The following RNF222 variants were observed in gnomAD, a reference collection of about 807,000 sequenced individuals.
RNF222 encodes the protein RING finger protein LOC643904.
Under a neutral mutation model 10.8 loss-of-function variants are expected in RNF222, and 14 were observed. The ratio of observed to expected loss-of-function variants is 1.30; its 90% CI spans 0.86 to 2.03. RNF222 has a LOEUF of 2.03. RNF222 is among the 30% of genes most tolerant of loss of function. The pLI is 0.00. For missense variants in RNF222, 298 were observed against 295.8 expected, an observed-to-expected ratio of 1.01 and a Z score of -0.06; for synonymous variants, 141 against 142.5, an observed-to-expected ratio of 0.99 and a Z score of 0.07.
chr17:8,393,411 G>GCA lies in RNF222; in HGVS notation c.49_50dup (p.Tyr18AlafsTer15), dbSNP rs1907933851. ...CCTCCAGGTCCCGGAACTTCTCATA[G>GCA]CACACGGGGCACTCACTGCCCGAGC... On this transcript the variant is annotated frameshift_variant, in exon 3 of 3. Coordinates refer to ENST00000399398, the MANE Select transcript of RNF222 (RefSeq NM_001146684.3). LOFTEE classifies it high-confidence loss of function. The GCA allele has an allele frequency of 1.3e-6, 2 of 1,551,620 alleles. No individual in the cohort carries two copies. Among genetic ancestry groups the GCA allele is most frequent in the Admixed American group, 3.9e-5 (2 of 51,002 alleles).
Position 8,393,131 on chromosome 17 carries a change from C to A in RNF222, c.331G>T (p.Ala111Ser). Residue 111 changes from alanine to serine, a missense_variant, in exon 3 of 3, where the codon GCC becomes TCC. Ala to Ser is a moderately conservative substitution (Grantham distance 99, BLOSUM62 1). Transcript: ENST00000399398. ...DSLGHTNPLA[A>S]SSPAWRPPPG... The stretch of plus-strand genomic sequence containing the variant: ...GGTGGCCTCCAGGCAGGGGAGGAGG[C>A]GGCCAGGGGGTTTGTGTGGCCCAGG... The A allele has an allele frequency of 6.5e-7, 1 of 1,535,624 alleles. No individual in the cohort carries two copies.
Position 8,392,628 on chromosome 17 carries a change from G to T in RNF222, c.*171C>A. 2.6e-6 allele frequency: 2 copies of T among 764,752 alleles called. No homozygotes were observed. Among genetic ancestry groups the T allele is most frequent in the Non-Finnish European group, 4.0e-6 (2 of 495,026 alleles). The allele number at this position is 764,752 out of a possible 1,614,324, so 47.4% of individuals were successfully genotyped here. On this transcript the variant is annotated 3_prime_UTR_variant, in exon 3 of 3. Coordinates refer to ENST00000399398, the MANE Select transcript of RNF222 (RefSeq NM_001146684.3). The surrounding 1 kb of genome is among the most constrained non-coding windows in gnomAD (Gnocchi z 4.3). ...GCATGGAGTCAGCTCCAGCCTCTCTGTCGAGCGGAAGCCCCTGCGGGGGTC... is the reference window on the plus strand; with the variant it reads ...GCATGGAGTCAGCTCCAGCCTCTCTTTCGAGCGGAAGCCCCTGCGGGGGTC...
In RNF222 at chr17:8,393,202, G is replaced by A. The variant is rs757990456; in HGVS notation, c.260C>T (p.Thr87Met). 122 of 1,550,784 alleles carry A rather than the reference G, an allele frequency of 7.9e-5. No homozygotes were observed. The highest frequency in any genetic ancestry group is 2.0e-4 in the East Asian group (8 of 40,912). ...WPSMLDKSSQ[T>M]LAVPVGLPSV... ...GGGCAGGCCCACGGGCACAGCCAGC[G>A]TCTGGGAGCTCTTGTCCAGCATGGA... The change falls in exon 3 of 3, where the codon ACG becomes ATG. Residue 87 changes from threonine (T) to methionine (M), a missense_variant. Thr to Met is a moderately conservative substitution (Grantham distance 81). Transcript: ENST00000399398.
chr17:8,391,060 C>CT lies in RNF222; in HGVS notation c.*1738dup, dbSNP rs1907805923. On this transcript the variant is annotated 3_prime_UTR_variant, in exon 3 of 3. Coordinates refer to ENST00000399398, the MANE Select transcript of RNF222 (RefSeq NM_001146684.3). ...TTTTTTTTTTAGACAGAGTCTCGCT[C>CT]TGTCACCCAGGCTGGAGTGCAGTGG... The CT allele has an allele frequency of 1.3e-5, 2 of 151,282 alleles. No homozygotes were observed. Among genetic ancestry groups the CT allele is most frequent in the African/African-American group, 4.9e-5 (2 of 41,062 alleles). The allele number at this position is 151,282 out of a possible 1,614,324, so 9.4% of individuals were successfully genotyped here. A position where few individuals can be genotyped will look rare whatever the true frequency, so the allele number is the denominator to read the frequency against.
At chr17:8,393,601 C>T in intron 2 of RNF222, 115 bp from the exon 3 acceptor site, 1 of 1,359,902 alleles carries the variant, frequency 7.4e-7, no homozygotes, top group African/African-American at 1.5e-5. Flanking sequence ...TGTCTTCTGC[C>T]TCCTCTCTCT....
chr17:8,393,375 C>T lies in RNF222; in HGVS notation c.87G>A (p.Arg29=). Reference sequence around the variant, plus strand: ...AGAACACATGGCCACAGCTCAGCGTCCGGCTGGCGCCCTCCAGGTCCCGGA... The same window carrying T: ...AGAACACATGGCCACAGCTCAGCGTTCGGCTGGCGCCCTCCAGGTCCCGGA... The part of the protein sequence containing the change: ...EKFRDLEGAS[R]TLSCGHVFCH... Residue 29 remains arginine, a synonymous_variant, in exon 3 of 3, where the codon CGG becomes CGA. Transcript: ENST00000399398. 1 of 1,551,650 alleles carries T rather than the reference C, an allele frequency of 6.4e-7. No homozygotes were observed. Among genetic ancestry groups the T allele is most frequent in the East Asian group, 2.4e-5 (1 of 40,912 alleles).
Position 8,393,078 on chromosome 17 carries a change from G to A in RNF222, c.384C>T (p.Ser128=). The change falls in exon 3 of 3, where the codon AGC becomes AGT. Residue 128 remains serine (S), a synonymous_variant. Transcript: ENST00000399398. ...GGGGGAGCTGGGCGCTCTGGCCCGG[G>A]CTGCCTGGCGGCCTGGCCTGGCCTG... is the stretch of plus-strand genomic sequence containing the variant. The part of the protein sequence containing the change: ...PPPGQARPPG[S]PGQSAQLPLD... 2.0e-6 allele frequency: 3 copies of A among 1,493,086 alleles called. No homozygotes were observed. Among genetic ancestry groups the A allele is most frequent in the African/African-American group, 1.4e-5 (1 of 71,784 alleles). 92.5% of individuals were successfully genotyped at this position (1,493,086 alleles called of 1,614,324 possible).
At chr17:8,396,625 G>A (rs1054692372) in intron 1 of RNF222, among the ~76,000 whole-genome samples, 4 of 150,872 alleles carry the variant, frequency 2.7e-5, no homozygotes, top group African/African-American at 7.3e-5. Flanking sequence ...AGTCCTTCCC[G>A]CTTCCAACGA....
rs1346552330 is a variant in RNF222, at chr17:8,392,888, G to A, written c.574C>T (p.Arg192Trp). 3 of 1,532,932 alleles carry A rather than the reference G, an allele frequency of 2.0e-6. No homozygotes were observed. Among genetic ancestry groups the A allele is most frequent in the Admixed American group, 2.0e-5 (1 of 50,872 alleles). The allele number at this position is 1,532,932 out of a possible 1,614,324, so 95.0% of individuals were successfully genotyped here. A position where few individuals can be genotyped will look rare whatever the true frequency, so the allele number is the denominator to read the frequency against. Residue 192 changes from arginine to tryptophan, a missense_variant, in exon 3 of 3, where the codon CGG becomes TGG. Physicochemically the swap from Arg to Trp is moderately radical, Grantham distance 101. Coordinates refer to ENST00000399398, the MANE Select transcript of RNF222 (RefSeq NM_001146684.3). This position sits in a 1 kb window ranked among gnomAD's most constrained non-coding sequence, Gnocchi z 4.3. ...RSARAFCCRS[R>W]ALLLITLIAV... ...ATGAGCGTGATGAGCAGCAGGGCCC[G>A]CGATCGGCAGCAGAAGGCGCGGGCG...
At position 8,393,433 on chromosome 17, in the gene RNF222, G is replaced by A. The variant is rs909022983; in HGVS notation, c.29C>T (p.Ser10Leu). The A allele has an allele frequency of 7.2e-5, 112 of 1,550,782 alleles. No individual in the cohort carries two copies. The highest frequency in any genetic ancestry group is 9.4e-5 in the Non-Finnish European group (108 of 1,146,632). The change falls in exon 3 of 3, where the codon TCG becomes TTG. Residue 10 changes from serine (S) to leucine (L), a missense_variant. Coordinates refer to ENST00000399398, the MANE Select transcript of RNF222 (RefSeq NM_001146684.3). MSEGESKDS[S>L]GSECPVCYEK... ...ATAGCACACGGGGCACTCACTGCCC[G>A]AGCTGTCCTTGCTCTCCCCTTCTGA...
chr17:8,390,898 C>A lies in RNF222; in HGVS notation c.*1901G>T, dbSNP rs933446175. The A allele has an allele frequency of 6.6e-6, 1 of 152,130 alleles. No homozygotes were observed. Among genetic ancestry groups the A allele is most frequent in the African/African-American group, 2.4e-5 (1 of 41,424 alleles). The allele number at this position is 152,130 out of a possible 1,614,324, so 9.4% of individuals were successfully genotyped here. A position where few individuals can be genotyped will look rare whatever the true frequency, so the allele number is the denominator to read the frequency against. On this transcript the variant is annotated 3_prime_UTR_variant, in exon 3 of 3. Transcript: ENST00000399398. Reference sequence around the variant, plus strand: ...AAATTCATGACACTGTTTAAAACAGCCTGGCTGAGGTTAAAAGAGACTCAT... The same window carrying A: ...AAATTCATGACACTGTTTAAAACAGACTGGCTGAGGTTAAAAGAGACTCAT...
chr17:8,393,124 G>A lies in RNF222; in HGVS notation c.338C>T (p.Ser113Phe), dbSNP rs759605916. ...LGHTNPLAASSPAWRPPPGQA... is the reference protein window; with the variant it reads ...LGHTNPLAASFPAWRPPPGQA... ...GCCTGGAGGTGGCCTCCAGGCAGGG[G>A]AGGAGGCGGCCAGGGGGTTTGTGTG... The change falls in exon 3 of 3, where the codon TCC (serine) becomes TTC (phenylalanine). Residue 113 changes from serine (S) to phenylalanine (F), a missense_variant. Ser to Phe is a radical substitution (Grantham distance 155, BLOSUM62 -2). Coordinates refer to ENST00000399398, the MANE Select transcript of RNF222 (RefSeq NM_001146684.3). 3 of 1,533,736 alleles carry A rather than the reference G, an allele frequency of 2.0e-6. No individual in the cohort carries two copies. The highest frequency in any genetic ancestry group is 3.4e-4 in the Middle Eastern group (2 of 5,830).
rs1338597536 is a variant in RNF222 at position 8,391,668 on chromosome 17, T to G, written c.*1131A>C. 1.3e-5 allele frequency: 2 copies of G among 152,158 alleles called. No homozygotes were observed. Among genetic ancestry groups the G allele is most frequent in the Non-Finnish European group, 2.9e-5 (2 of 68,040 alleles). The allele number at this position is 152,158 out of a possible 1,614,324, so 9.4% of individuals were successfully genotyped here. A position where few individuals can be genotyped will look rare whatever the true frequency, so the allele number is the denominator to read the frequency against. On this transcript the variant is annotated 3_prime_UTR_variant, in exon 3 of 3. Transcript: ENST00000399398. ...GACCTCAATAAACAGCCAATAGCTATCCCCGAATGACTCAGGCTAGACCCA... is the reference window on the plus strand; with the variant it reads ...GACCTCAATAAACAGCCAATAGCTAGCCCCGAATGACTCAGGCTAGACCCA...
Position 8,392,789 on chromosome 17 carries a change from G to A in RNF222, c.*10C>T. On this transcript the variant is annotated 3_prime_UTR_variant, in exon 3 of 3. Transcript: ENST00000399398. The surrounding 1 kb of genome is among the most constrained non-coding windows in gnomAD (Gnocchi z 4.3). ...CCACGGCTAGCCCGGCGGCCTCCCT[G>A]AGGTGCGGCTCACGCCTGCTTCCTC... 1 of 1,531,704 alleles carries A rather than the reference G, an allele frequency of 6.5e-7. No individual in the cohort carries two copies. Among genetic ancestry groups the A allele is most frequent in the East Asian group, 2.5e-5 (1 of 40,766 alleles). 94.9% of individuals were successfully genotyped at this position (1,531,704 alleles called of 1,614,324 possible).
chr17:8,394,832 T>C (rs917551166), intron 1 of RNF222, among the ~76,000 whole-genome samples: 8 of 152,228 alleles, frequency 5.3e-5, no homozygotes, highest in Non-Finnish European at 1.2e-4. Flanking sequence ...AAACATCCAC[T>C]GGGGTGTGTG....
Position 8,392,964 on chromosome 17 carries a change from C to T in RNF222, c.498G>A (p.Leu166=). 6.6e-7 allele frequency: 1 copy of T among 1,513,338 alleles called. No homozygotes were observed. Among genetic ancestry groups the T allele is most frequent in the Non-Finnish European group, 8.8e-7 (1 of 1,137,246 alleles). The allele number at this position is 1,513,338 out of a possible 1,614,324, so 93.7% of individuals were successfully genotyped here. The change falls in exon 3 of 3, where the codon CTG becomes CTA. Residue 166 remains leucine, a synonymous_variant. Transcript: ENST00000399398. The surrounding 1 kb of genome is among the most constrained non-coding windows in gnomAD (Gnocchi z 4.3). ...AGAGCTCTGCCAGGCTGCGGCGGGG[C>T]AGCACGCTGTCCTGCTCCCCCAGGG... ...GMPLGEQDSV[L]PRRSLAELSE... is the part of the protein sequence containing the mutation.
Position 8,392,926 on chromosome 17 carries a change from A to G in RNF222, c.536T>C (p.Leu179Pro), listed in dbSNP as rs549302315. The G allele has an allele frequency of 1.9e-5, 29 of 1,530,118 alleles. No homozygotes were observed. The African/African-American group carries it at 3.2e-4, about 17-fold the overall frequency. The allele number at this position is 1,530,118 out of a possible 1,614,324, so 94.8% of individuals were successfully genotyped here. Residue 179 changes from leucine (L) to proline (P), a missense_variant, in exon 3 of 3, where the codon CTG becomes CCG. Physicochemically the swap from Leu to Pro is moderately conservative, Grantham distance 98 (BLOSUM62 -3). Coordinates refer to ENST00000399398, the MANE Select transcript of RNF222 (RefSeq NM_001146684.3). This position sits in a 1 kb window ranked among gnomAD's most constrained non-coding sequence, Gnocchi z 4.3. ...GAAGGCGCGGGCGGAGCGGGGCGCCAGGGAGGCCTCCGAGAGCTCTGCCAG... is the reference window on the plus strand; with the variant it reads ...GAAGGCGCGGGCGGAGCGGGGCGCCGGGGAGGCCTCCGAGAGCTCTGCCAG... ...RSLAELSEAS[L>P]APRSARAFCC...
chr17:8,395,750 C>A (rs1467494181), intron 1 of RNF222, among the ~76,000 whole-genome samples: 1 of 152,206 alleles, frequency 6.6e-6, no homozygotes, highest in Non-Finnish European at 1.5e-5. Flanking sequence ...TTATTCCAAT[C>A]TTTCTTGGTA....
At position 8,393,221 on chromosome 17, in the gene RNF222, G is replaced by C. The variant is rs754938846; in HGVS notation, c.241C>G (p.Leu81Val). The C allele has an allele frequency of 6.4e-7, 1 of 1,550,848 alleles. No individual in the cohort carries two copies. The highest frequency in any genetic ancestry group is 8.7e-7 in the Non-Finnish European group (1 of 1,146,986). The change falls in exon 3 of 3, where the codon CTG (leucine) becomes GTG (valine). Residue 81 changes from leucine to valine, a missense_variant. By Grantham distance (32) the Leu-to-Val change is conservative. Coordinates refer to ENST00000399398, the MANE Select transcript of RNF222 (RefSeq NM_001146684.3). ...GCCAGCGTCTGGGAGCTCTTGTCCA[G>C]CATGGAGGGCCAGCGGGAGCTCTTC... ...SKKSSRWPSMLDKSSQTLAVP... is the reference protein window; with the variant it reads ...SKKSSRWPSMVDKSSQTLAVP...
Sources: allele counts gnomAD v4.1 joint callset (sites outside exome capture counted in the v4.1 genomes callset), GRCh38; gene constraint gnomAD v4.1.1; non-coding constraint Gnocchi (gnomAD v3.1); transcripts MANE v1.5; gene names NCBI Gene and HGNC (gene_info 2026-07-23, HGNC 2026-07-21).